Variants in IPCEF1 observed in about 807,000 individuals in gnomAD.
IPCEF1 encodes the protein interaction protein for cytohesin exchange factors 1.
A neutral mutation model predicts 50.9 loss-of-function variants in IPCEF1; 31 were observed. The observed-to-expected ratio is 0.61, with a 90% CI of 0.46 to 0.82. IPCEF1 has a LOEUF of 0.82. Ranked by LOEUF, IPCEF1 falls within the 40% of genes least tolerant of loss-of-function variation. The probability of loss-of-function intolerance (pLI) is 0.00; values close to 1 mark genes in which losing one functional copy is unlikely to be tolerated. For synonymous variants in IPCEF1, 181 were observed against 192.0 expected, an observed-to-expected ratio of 0.94 and a Z score of 0.47; for missense variants, 458 against 514.0, an observed-to-expected ratio of 0.89 and a Z score of 1.05.
At chr6:154,277,222 A>T (rs1782085195) in intron 2 of IPCEF1, among the ~76,000 whole-genome samples, 1 of 152,218 alleles carries the variant, frequency 6.6e-6, no homozygotes, top group African/African-American at 2.4e-5. Flanking sequence ...TCAATTTTGC[A>T]TCTGCTGAAA....
intron 9 of IPCEF1, among the ~76,000 whole-genome samples, chr6:154,205,249 A>G (rs915121786): frequency 1.3e-5 from 2 of 152,166 alleles, no homozygotes; most frequent in African/African-American, 4.8e-5. Flanking sequence ...GGGAGAAGAC[A>G]CCATCTAGTT....
At chr6:154,243,447 C>G (rs1028669111) in intron 5 of IPCEF1, among the ~76,000 whole-genome samples, 6 of 152,106 alleles carry the variant, frequency 3.9e-5, no homozygotes, top group Non-Finnish European at 8.8e-5. Context: ...TTTGAAGTAG[C>G]AACGTGTGGT....
intron 5 of IPCEF1, among the ~76,000 whole-genome samples, chr6:154,239,054 A>G (rs1245252338): frequency 1.3e-5 from 2 of 152,142 alleles, no homozygotes; most frequent in African/African-American, 4.8e-5. Flanking sequence ...ACTGTCCTCT[A>G]AAATACCTCA....
chr6:154,250,892 CATT>C (rs1441965738), intron 3 of IPCEF1, among the ~76,000 whole-genome samples: 3 of 152,178 alleles, frequency 2.0e-5, no homozygotes, highest in African/African-American at 7.2e-5. Flanking sequence ...ACCCTCACAT[CATT>C]GACAGTTTCA....
At chr6:154,232,822 G>A (rs1010922385) in intron 5 of IPCEF1, among the ~76,000 whole-genome samples, 1 of 152,020 alleles carries the variant, frequency 6.6e-6, no homozygotes, top group Non-Finnish European at 1.5e-5. Flanking sequence ...ACATAGATGT[G>A]TGTAATAATG....
Position 154,212,547 on chromosome 6 carries a change from A to C in IPCEF1, c.537+223T>G, listed in dbSNP as rs116945938. Among the ~76,000 whole-genome samples the C allele has an allele frequency of 4.1e-4, 63 of 152,370 alleles. 1 individual carries two copies. In the East Asian group the frequency reaches 0.012, roughly 28 times the overall value. On this transcript the variant is annotated intron_variant, in intron 9 of 11. Coordinates refer to ENST00000367220, the MANE Select transcript of IPCEF1 (RefSeq NM_001130700.2). ...TCCTCATGAATTCTCTGAGTACGGT[A>C]CATCTTCGGGTCACACACAAATATA...
intron 10 of IPCEF1, among the ~76,000 whole-genome samples, chr6:154,169,212 T>C (rs1293181794): frequency 6.6e-6 from 1 of 151,844 alleles, no homozygotes; most frequent in East Asian, 1.9e-4. Flanking sequence ...ATACAAAAAA[T>C]TAGCTGGGTG....
At chr6:154,343,831 T>C (rs1011101789) in intron 1 of IPCEF1, among the ~76,000 whole-genome samples, 1 of 152,220 alleles carries the variant, frequency 6.6e-6, no homozygotes, top group African/African-American at 2.4e-5. Context: ...ACCTTTGATA[T>C]GCAAATGCAG....
chr6:154,284,999 C>CA (rs553267279), intron 2 of IPCEF1, among the ~76,000 whole-genome samples: 8 of 149,390 alleles, frequency 5.4e-5, no homozygotes, highest in Admixed American at 1.3e-4. Flanking sequence ...GACTCCGACT[C>CA]AAAAAAAAAG....
At chr6:154,161,714 G>T (rs1016677139) in intron 11 of IPCEF1, among the ~76,000 whole-genome samples, 24 of 152,144 alleles carry the variant, frequency 1.6e-4, no homozygotes, top group Non-Finnish European at 3.5e-4. Context: ...GCTTAAAGAA[G>T]ATGACAAGAA....
chr6:154,277,890 C>T (rs1313109591), intron 2 of IPCEF1, among the ~76,000 whole-genome samples: 3 of 151,908 alleles, frequency 2.0e-5, no homozygotes, highest in Non-Finnish European at 2.9e-5. Flanking sequence ...TCCTGTGGTC[C>T]GCCCAGCTTC....
chr6:154,324,763 G>A (rs113206528), intron 1 of IPCEF1, among the ~76,000 whole-genome samples: 70 of 152,186 alleles, frequency 4.6e-4, no homozygotes, highest in East Asian at 2.9e-3. Context: ...AGCTGAGATC[G>A]CGCTACTGTA....
chr6:154,208,619 C>T (rs1777703036), intron 9 of IPCEF1, among the ~76,000 whole-genome samples: 1 of 152,196 alleles, frequency 6.6e-6, no homozygotes, highest in African/African-American at 2.4e-5. Flanking sequence ...TCAATAAATA[C>T]TTCTTGAATG....
chr6:154,217,570 G>C (rs915512545), intron 7 of IPCEF1: 1 of 152,176 alleles, frequency 6.6e-6, no homozygotes, highest in Non-Finnish European at 1.5e-5. Context: ...GAGGGTAGTT[G>C]AATTAGAAAG....
chr6:154,251,319 G>T (rs915640448), intron 3 of IPCEF1, among the ~76,000 whole-genome samples: 1 of 152,122 alleles, frequency 6.6e-6, no homozygotes, highest in Non-Finnish European at 1.5e-5. Flanking sequence ...GGAGGCCGGG[G>T]TGGGAGGATG....
At chr6:154,272,262 A>G (rs1345806633) in intron 2 of IPCEF1, among the ~76,000 whole-genome samples, 1 of 152,238 alleles carries the variant, frequency 6.6e-6, no homozygotes, top group Non-Finnish European at 1.5e-5. Flanking sequence ...AAATAGCTTC[A>G]TTATACAAAA....
chr6:154,333,685 T>C, intron 1 of IPCEF1, among the ~76,000 whole-genome samples: 1 of 151,744 alleles, frequency 6.6e-6, no homozygotes, highest in East Asian at 1.9e-4. Flanking sequence ...TATGTATATA[T>C]GTGTATATAT....
chr6:154,294,801 G>C (rs1024862504), intron 1 of IPCEF1, among the ~76,000 whole-genome samples: 1 of 151,808 alleles, frequency 6.6e-6, no homozygotes, highest in Non-Finnish European at 1.5e-5. Context: ...GCTTTTAGCT[G>C]AACTAAGGAG....
At chr6:154,183,297 T>C (rs1173002452) in intron 10 of IPCEF1, among the ~76,000 whole-genome samples, 2 of 152,220 alleles carry the variant, frequency 1.3e-5, no homozygotes, top group Non-Finnish European at 2.9e-5. Flanking sequence ...CTTTTCAAGA[T>C]GGCGCTCTCA....
Sources: gnomAD v4.1 joint callset for allele counts (sites outside exome capture counted in the v4.1 genomes callset) on GRCh38, gnomAD v4.1.1 for gene constraint, MANE v1.5 for transcripts, NCBI Gene and HGNC (gene_info 2026-07-23, HGNC 2026-07-21) for gene names.